TMEM50B: variants seen among roughly 807,000 people sequenced by gnomAD.
TMEM50B encodes transmembrane protein 50B, also known as HCV p7-trans-regulated protein 3.
In TMEM50B, 14 loss-of-function variants were observed where a neutral mutation model predicts 23.4. The observed-to-expected ratio is 0.60, with a 90% confidence interval of 0.39 to 0.93. The LOEUF (loss-of-function observed/expected upper bound fraction) is 0.93. TMEM50B is among the 40% of genes least tolerant of loss of function. The pLI, the probability that TMEM50B is intolerant of heterozygous loss-of-function variation, is 0.00. For synonymous variants in TMEM50B, 64 were observed against 62.3 expected (o/e 1.03, Z -0.13); for missense variants, 159 against 193.0 (o/e 0.82, Z 1.04).
At chr21:33,433,524 C>T (rs1307145120) in intron 8 of TMEM50B, among the ~76,000 whole-genome samples, 2 of 152,186 alleles carry the variant, frequency 1.3e-5, no homozygotes, top group Non-Finnish European at 2.9e-5. Context: ...CAAAAGGATA[C>T]TGTCTGCTTC....
rs768605434 is a variant in TMEM50B, at chr21:33,432,670, T to A, written c.*2253A>T. 3.1e-5 allele frequency: 50 copies of A among 1,603,508 alleles called. 1 individual carries two copies. In the South Asian group the frequency reaches 5.5e-4, roughly 18 times the overall value. ...GGAACATTAACTGATGTTTGTGTTG[T>A]GCGTAGGAAGATCATTCTGTTCACT... On this transcript the variant is annotated 3_prime_UTR_variant and NMD_transcript_variant, in exon 9 of 9. Transcript: ENST00000420455.
At chr21:33,465,261 A>G in intron 4 of TMEM50B, 81 bp downstream of exon 4, 2 of 972,028 alleles carry the variant, frequency 2.1e-6, no homozygotes, top group Middle Eastern at 2.2e-4. Flanking sequence ...AGTCTTGAAT[A>G]AAGACTCACA....
At position 33,479,192 on chromosome 21, in the gene TMEM50B, C is replaced by T. The variant is rs140560314; in HGVS notation, c.-42+646G>A. 9.4e-3 allele frequency: 1,699 copies of T among 181,296 alleles called. 32 individuals are homozygous for T. Among genetic ancestry groups the T allele is most frequent in the African/African-American group, 0.038 (1,606 of 42,212 alleles). 11.2% of individuals were successfully genotyped at this position (181,296 alleles called of 1,614,324 possible). A position where few individuals can be genotyped will look rare whatever the true frequency, so the allele number is the denominator to read the frequency against. Reference sequence around the variant, plus strand: ...CTAAAAACCGAAACGGTCCTACCCGCGACTACCACTGCTCCAGTGACAATG... The same window carrying T: ...CTAAAAACCGAAACGGTCCTACCCGTGACTACCACTGCTCCAGTGACAATG... On this transcript the variant is annotated intron_variant, in intron 1 of 6. Transcript: ENST00000542230.
intron 4 of TMEM50B, chr21:33,465,045 T>C (rs2084253196): frequency 3.8e-6 from 1 of 266,290 alleles, no homozygotes. Flanking sequence ...AGTAACATTA[T>C]TGGTCAACAA....
intron 8 of TMEM50B, among the ~76,000 whole-genome samples, chr21:33,434,034 C>T (rs2083918364): frequency 6.6e-6 from 1 of 151,992 alleles, no homozygotes. Context: ...GTGCCAGGCC[C>T]CGTGTACCCA....
chr21:33,439,473 G>A (rs142628991), intron 7 of TMEM50B, among the ~76,000 whole-genome samples: 6 of 152,060 alleles, frequency 3.9e-5, no homozygotes, highest in East Asian at 2.0e-4. Context: ...TCTGCCTTCC[G>A]GGTTCAAGCG....
chr21:33,472,398 ATAAT>A (rs973442711), intron 1 of TMEM50B, among the ~76,000 whole-genome samples: 2 of 152,148 alleles, frequency 1.3e-5, no homozygotes, highest in African/African-American at 4.8e-5. Context: ...AAATAAATAA[ATAAT>A]TAACTAAATG....
chr21:33,467,864 T>C (rs1489640883), intron 2 of TMEM50B, among the ~76,000 whole-genome samples: 2 of 152,150 alleles, frequency 1.3e-5, no homozygotes, highest in Non-Finnish European at 2.9e-5. Context: ...TTTTAAAATG[T>C]AAACAGATAA....
chr21:33,467,122 A>G lies in TMEM50B; in HGVS notation c.100T>C (p.Phe34Leu). Residue 34 changes from phenylalanine to leucine, a missense_variant and splice_region_variant, in exon 3 of 7, where the codon TTT (phenylalanine) becomes CTT (leucine). Transcript: ENST00000542230. Reference protein sequence around the residue: ...AVASVVAGILFFTGWWIMIDA... With the variant: ...AVASVVAGILLFTGWWIMIDA... Reference sequence around the variant, plus strand: ...ATCATTATCCACCAGCCTGTAAAAAACTTAAAACACAGCCCAAGTCACTGA... The same window carrying G: ...ATCATTATCCACCAGCCTGTAAAAAGCTTAAAACACAGCCCAAGTCACTGA... 1 of 1,613,026 alleles carries G rather than the reference A, an allele frequency of 6.2e-7. No individual in the cohort carries two copies. Among genetic ancestry groups the G allele is most frequent in the Non-Finnish European group, 8.5e-7 (1 of 1,179,138 alleles).
At chr21:33,477,868 G>C (rs1408443413) in intron 1 of TMEM50B, among the ~76,000 whole-genome samples, 1 of 151,806 alleles carries the variant, frequency 6.6e-6, no homozygotes, top group African/African-American at 2.4e-5. Context: ...GGGCACAGTG[G>C]CTCACGCCTG....
intron 8 of TMEM50B, chr21:33,436,747 T>A (rs1161098155): frequency 1.3e-5 from 15 of 1,136,734 alleles, no homozygotes; most frequent in East Asian, 1.3e-4. Flanking sequence ...AAAAATAAAA[T>A]AAAAACAAAA....
In TMEM50B at chr21:33,450,203, CCT is replaced by C. The variant is rs2084105130; in HGVS notation, c.*613_*614del. On this transcript the variant is annotated 3_prime_UTR_variant, in exon 7 of 7. Coordinates refer to ENST00000542230, the MANE Select transcript of TMEM50B (RefSeq NM_006134.7). ...TCAGAAATCAGATACTGAGAGTGGT[CCT>C]TCTTTTTTTTGAGAGGGAGTTTCAC... 3.3e-5 allele frequency: 1 copy of C among 30,090 alleles called. No individual in the cohort carries two copies. The highest frequency in any genetic ancestry group is 5.0e-5 in the Non-Finnish European group (1 of 20,076). The allele number at this position is 30,090 out of a possible 1,614,324, so 1.9% of individuals were successfully genotyped here. A position where few individuals can be genotyped will look rare whatever the true frequency, so the allele number is the denominator to read the frequency against.
At chr21:33,473,028 A>G (rs985926120) in intron 1 of TMEM50B, among the ~76,000 whole-genome samples, 1 of 152,176 alleles carries the variant, frequency 6.6e-6, no homozygotes, top group African/African-American at 2.4e-5. Context: ...GAAACTCTTG[A>G]AACAGTCTTA....
At position 33,467,035 on chromosome 21, in the gene TMEM50B, C is replaced by G; in HGVS notation, c.187G>C (p.Val63Leu). The change falls in exon 3 of 7, where the codon GTA (valine) becomes CTA (leucine). Residue 63 changes from valine to leucine, a missense_variant. Val to Leu is a conservative substitution (Grantham distance 32, BLOSUM62 1). Coordinates refer to ENST00000542230, the MANE Select transcript of TMEM50B (RefSeq NM_006134.7). The stretch of plus-strand genomic sequence containing the variant: ...ATGAAGAAAGCCAATGTGGAAAATA[C>G]ACCACATGTGTGAAAGGCATGGTTC... The part of the protein sequence containing the change: ...QLNHAFHTCG[V>L]FSTLAFFMIN... The G allele has an allele frequency of 6.2e-7, 1 of 1,613,846 alleles. No individual in the cohort carries two copies. The highest frequency in any genetic ancestry group is 8.5e-7 in the Non-Finnish European group (1 of 1,179,828).
chr21:33,459,919 C>T (rs934064842), intron 5 of TMEM50B, among the ~76,000 whole-genome samples: 2 of 152,130 alleles, frequency 1.3e-5, no homozygotes, highest in African/African-American at 4.8e-5. Context: ...TATCTATTTT[C>T]ATTCCTACAA....
intron 4 of TMEM50B, among the ~76,000 whole-genome samples, chr21:33,461,801 T>C (rs2084219244): frequency 7.1e-6 from 1 of 140,322 alleles, no homozygotes; most frequent in Non-Finnish European, 1.6e-5. Context: ...CAAAACTGTT[T>C]CAAAAAAAAA....
chr21:33,462,777 T>C (rs2084228373), intron 4 of TMEM50B, among the ~76,000 whole-genome samples: 1 of 152,230 alleles, frequency 6.6e-6, no homozygotes, highest in Admixed American at 6.5e-5. Context: ...CATCTTCACT[T>C]GCTAATATAT....
At chr21:33,465,253 T>C in intron 4 of TMEM50B, 89 bp downstream of exon 4, 1 of 875,542 alleles carries the variant, frequency 1.1e-6, no homozygotes, top group Non-Finnish European at 1.9e-6. Flanking sequence ...TCATTACCAG[T>C]CTTGAATAAA....
In TMEM50B at chr21:33,449,495, A is replaced by G. The variant is rs542464297; in HGVS notation, c.*1323T>C. On this transcript the variant is annotated 3_prime_UTR_variant, in exon 7 of 7. Transcript: ENST00000542230. ...AACAAAGGAAAGCAAAAGTAGCAATAAGGGCCCAGAGGAATACAAACAGTG... is the reference window on the plus strand; with the variant it reads ...AACAAAGGAAAGCAAAAGTAGCAATGAGGGCCCAGAGGAATACAAACAGTG... 6.5e-6 allele frequency: 1 copy of G among 152,704 alleles called. No homozygotes were observed. Among genetic ancestry groups the G allele is most frequent in the South Asian group, 2.1e-4 (1 of 4,832 alleles). 9.5% of individuals were successfully genotyped at this position (152,704 alleles called of 1,614,324 possible). A position where few individuals can be genotyped will look rare whatever the true frequency, so the allele number is the denominator to read the frequency against.
Sources: allele counts gnomAD v4.1 joint callset (sites outside exome capture counted in the v4.1 genomes callset), GRCh38; gene constraint gnomAD v4.1.1; transcripts MANE v1.5; gene names NCBI Gene and HGNC (gene_info 2026-07-23, HGNC 2026-07-21).